Variants in CYSLTR2 observed in about 807,000 individuals in gnomAD.
CYSLTR2 encodes the protein G-protein coupled receptor GPCR21.
For synonymous variants in CYSLTR2, 179 were observed against 160.8 expected, an observed-to-expected ratio of 1.11 and a Z score of -0.86; for missense variants, 398 against 411.9, an observed-to-expected ratio of 0.97 and a Z score of 0.29.
At chr13:48,695,068 AT>A (rs869282546) in intron 3 of CYSLTR2, among the ~76,000 whole-genome samples, 870 of 71,504 alleles carry the variant, frequency 0.012, 3 homozygotes, top group African/African-American at 0.034. Context: ...AGAACCTGGC[AT>A]TTTTTTTTTT....
intron 1 of CYSLTR2, among the ~76,000 whole-genome samples, chr13:48,661,765 T>C (rs1953135627): frequency 6.6e-6 from 1 of 152,242 alleles, no homozygotes; most frequent in African/African-American, 2.4e-5. Context: ...GGGGTATATA[T>C]TGATGTTTCT....
At position 48,679,675 on chromosome 13, in the gene CYSLTR2, G is replaced by A. The variant is rs920222323; in HGVS notation, c.-265-11537G>A. Among the ~76,000 whole-genome samples, 4 of 152,142 alleles carry A rather than the reference G, an allele frequency of 2.6e-5. No homozygotes were observed. The East Asian group carries it at 5.8e-4, about 22-fold the overall frequency. ...GCATAAGGAGCATAGCAGAGTGCCC[G>A]GCACAGAGTAACTGCAGTACAACTC... is the stretch of plus-strand genomic sequence containing the variant. On this transcript the variant is annotated intron_variant, in intron 1 of 4. Coordinates refer to ENST00000682523, the MANE Select transcript of CYSLTR2 (RefSeq NM_001308476.3).
chr13:48,707,623 T>A lies in CYSLTR2; in HGVS notation c.806T>A (p.Val269Asp), dbSNP rs1954537703. The change falls in exon 5 of 5, where the codon GTC (valine) becomes GAC (aspartate). Residue 269 changes from valine (V) to aspartate (D), a missense_variant. Coordinates refer to ENST00000682523, the MANE Select transcript of CYSLTR2 (RefSeq NM_001308476.3). ...CTGCCCTATCACACACTGAGGACCG[T>A]CCACTTGACGACATGGAAAGTGGGT... ...CFLPYHTLRT[V>D]HLTTWKVGLC... 3.7e-6 allele frequency: 6 copies of A among 1,613,150 alleles called. No homozygotes were observed. The highest frequency in any genetic ancestry group is 4.2e-6 in the Non-Finnish European group (5 of 1,180,020).
In CYSLTR2 at chr13:48,676,102, G is replaced by T. The variant is rs1953589687; in HGVS notation, c.-265-15110G>T. The stretch of plus-strand genomic sequence containing the variant: ...GGAGCTGTTCCTGTTCAGCCATCTT[G>T]CCAGTCACCCTATCCTCATTTTATA... On this transcript the variant is annotated intron_variant, in intron 1 of 4. Transcript: ENST00000682523. Among the ~76,000 whole-genome samples, 4 of 152,186 alleles carry T rather than the reference G, an allele frequency of 2.6e-5. No individual in the cohort carries two copies. In the South Asian group the frequency reaches 8.3e-4, roughly 31 times the overall value.
intron 2 of CYSLTR2, 72 bp from the exon 3 acceptor site, chr13:48,693,366 A>G (rs1954084797): frequency 6.6e-6 from 1 of 152,128 alleles, no homozygotes; most frequent in South Asian, 2.1e-4. Flanking sequence ...AATAAAGGCT[A>G]CTATGTAAAT....
At chr13:48,695,401 C>G (rs921355088) in intron 3 of CYSLTR2, among the ~76,000 whole-genome samples, 1 of 145,998 alleles carries the variant, frequency 6.8e-6, no homozygotes, top group Non-Finnish European at 1.5e-5. Flanking sequence ...TTCTCTCTCT[C>G]TCTCTTTCTC....
At chr13:48,695,003 A>G (rs1270532833) in intron 3 of CYSLTR2, among the ~76,000 whole-genome samples, 1 of 151,464 alleles carries the variant, frequency 6.6e-6, no homozygotes, top group Non-Finnish European at 1.5e-5. Context: ...AAAAATAGAA[A>G]AATCTCTTGT....
At chr13:48,664,507 T>A (rs1343619525) in intron 1 of CYSLTR2, among the ~76,000 whole-genome samples, 1 of 152,030 alleles carries the variant, frequency 6.6e-6, no homozygotes, top group Non-Finnish European at 1.5e-5. Context: ...TTATTATATG[T>A]TTTTGGCTTA....
intron 2 of CYSLTR2, among the ~76,000 whole-genome samples, chr13:48,692,870 A>C (rs1441507623): frequency 6.6e-6 from 1 of 151,556 alleles, no homozygotes; most frequent in Non-Finnish European, 1.5e-5. Flanking sequence ...ATCTATTGTC[A>C]TTTTAAGAAA....
chr13:48,668,801 C>A (rs1446332865), intron 1 of CYSLTR2, among the ~76,000 whole-genome samples: 1 of 152,002 alleles, frequency 6.6e-6, no homozygotes, highest in African/African-American at 2.4e-5. Context: ...TGTTCCCACT[C>A]CCCTGTGTCC....
intron 1 of CYSLTR2, among the ~76,000 whole-genome samples, chr13:48,654,454 T>G (rs1208050624): frequency 6.6e-6 from 1 of 152,206 alleles, no homozygotes; most frequent in Non-Finnish European, 1.5e-5. Context: ...AAATTAAAGC[T>G]GCTGCATATT....
chr13:48,669,821 T>C (rs1397882970), intron 1 of CYSLTR2, among the ~76,000 whole-genome samples: 1 of 152,246 alleles, frequency 6.6e-6, no homozygotes, highest in Non-Finnish European at 1.5e-5. Context: ...TTGAATGGTA[T>C]TTCTGGTTCT....
intron 1 of CYSLTR2, among the ~76,000 whole-genome samples, chr13:48,663,184 T>C (rs908830786): frequency 6.6e-6 from 1 of 152,176 alleles, no homozygotes. Context: ...GATTCTCTAT[T>C]CTGTTCCATT....
At position 48,708,782 on chromosome 13, in the gene CYSLTR2, C is replaced by T. The variant is rs1954569725; in HGVS notation, c.*924C>T. On this transcript the variant is annotated 3_prime_UTR_variant, in exon 5 of 5. Coordinates refer to ENST00000682523, the MANE Select transcript of CYSLTR2 (RefSeq NM_001308476.3). ...AGAGGGCAAATAGCAAAAGTTGTTGCACTCCTGAAATTCTATTAACATTTC... is the reference window on the plus strand; with the variant it reads ...AGAGGGCAAATAGCAAAAGTTGTTGTACTCCTGAAATTCTATTAACATTTC... The T allele has an allele frequency of 6.0e-6, 1 of 167,002 alleles. No individual in the cohort carries two copies. Among genetic ancestry groups the T allele is most frequent in the Non-Finnish European group, 1.5e-5 (1 of 68,114 alleles). The allele number at this position is 167,002 out of a possible 1,614,324, so 10.3% of individuals were successfully genotyped here.
Position 48,707,980 on chromosome 13 carries a change from C to A in CYSLTR2, c.*122C>A. 2 of 871,072 alleles carry A rather than the reference C, an allele frequency of 2.3e-6. No homozygotes were observed. The highest frequency in any genetic ancestry group is 3.3e-6 in the Non-Finnish European group (2 of 611,390). 54.0% of individuals were successfully genotyped at this position (871,072 alleles called of 1,614,324 possible). A position where few individuals can be genotyped will look rare whatever the true frequency, so the allele number is the denominator to read the frequency against. On this transcript the variant is annotated 3_prime_UTR_variant, in exon 5 of 5. Coordinates refer to ENST00000682523, the MANE Select transcript of CYSLTR2 (RefSeq NM_001308476.3). ...TGTTGATTCTTAATATTTAGTTGAC[C>A]ATTACTTTTGTTAATAAGACCTACT... is the stretch of plus-strand genomic sequence containing the variant.
intron 3 of CYSLTR2, among the ~76,000 whole-genome samples, chr13:48,696,325 T>TA (rs1206434647): frequency 6.6e-6 from 1 of 152,238 alleles, no homozygotes; most frequent in Admixed American, 6.5e-5. Flanking sequence ...GATTTGCAAA[T>TA]ATTCTCTCCC....
chr13:48,668,312 G>C (rs781227831), intron 1 of CYSLTR2, among the ~76,000 whole-genome samples: 6 of 152,068 alleles, frequency 3.9e-5, no homozygotes, highest in Non-Finnish European at 7.4e-5. Flanking sequence ...TGTTGAAGAA[G>C]GTTATTTGGA....
At chr13:48,676,871 T>C (rs1953610628) in intron 1 of CYSLTR2, among the ~76,000 whole-genome samples, 1 of 152,196 alleles carries the variant, frequency 6.6e-6, no homozygotes, top group Non-Finnish European at 1.5e-5. Context: ...GCAAATGAGA[T>C]ATCTGAAAAG....
intron 1 of CYSLTR2, among the ~76,000 whole-genome samples, chr13:48,688,893 A>G (rs957927207): frequency 3.3e-5 from 5 of 152,112 alleles, no homozygotes; most frequent in African/African-American, 1.2e-4. Flanking sequence ...AAGCATTCCT[A>G]TTTCTCCACA....
Sources: gnomAD v4.1 joint callset for allele counts (sites outside exome capture counted in the v4.1 genomes callset) on GRCh38, gnomAD v4.1.1 for gene constraint, MANE v1.5 for transcripts, NCBI Gene and HGNC (gene_info 2026-07-23, HGNC 2026-07-21) for gene names.